The following CYRIB variants were observed in gnomAD, a reference collection of about 807,000 sequenced individuals.
CYRIB encodes CYFIP related Rac1 interactor B, also known as CYFIP-related Rac1 interactor B.
A neutral mutation model predicts 44.2 loss-of-function variants in CYRIB; 8 were observed. That is an observed-to-expected ratio of 0.18 (90% CI 0.11 to 0.33). CYRIB has a LOEUF of 0.33. Ranked by LOEUF, CYRIB falls within the 10% of genes least tolerant of loss-of-function variation. CYRIB has a pLI of 1.00. For synonymous variants in CYRIB, 131 were observed against 127.2 expected, an observed-to-expected ratio of 1.03 and a Z score of -0.20; for missense variants, 185 against 382.8, an observed-to-expected ratio of 0.48 and a Z score of 4.31.
intron 1 of CYRIB, among the ~76,000 whole-genome samples, chr8:129,999,329 G>A (rs2096855184): frequency 1.3e-5 from 2 of 152,310 alleles, no homozygotes; most frequent in South Asian, 2.1e-4. Flanking sequence ...CACCAGGCCC[G>A]TCTCGGGATC....
At chr8:129,872,432 T>C (rs777490654) in intron 3 of CYRIB, among the ~76,000 whole-genome samples, 3 of 152,162 alleles carry the variant, frequency 2.0e-5, no homozygotes, top group Non-Finnish European at 4.4e-5. Flanking sequence ...GATTTCTCTC[T>C]GCTTGACTCA....
chr8:129,926,581 A>G (rs1187701036), intron 1 of CYRIB, among the ~76,000 whole-genome samples: 3 of 137,280 alleles, frequency 2.2e-5, no homozygotes, highest in African/African-American at 8.1e-5. Flanking sequence ...TGCAGGTGTC[A>G]GAGGAGTTCC....
intron 5 of CYRIB, among the ~76,000 whole-genome samples, chr8:129,857,304 G>A (rs2046713157): frequency 6.6e-6 from 1 of 152,140 alleles, no homozygotes; most frequent in African/African-American, 2.4e-5. Flanking sequence ...CTCACCTAAT[G>A]GAAGGCCCAG....
chr8:129,927,801 T>C (rs990090955), intron 1 of CYRIB, among the ~76,000 whole-genome samples: 8 of 152,168 alleles, frequency 5.3e-5, no homozygotes, highest in African/African-American at 1.7e-4. Flanking sequence ...ACTAGCAGAA[T>C]GATAGATCAA....
At chr8:129,993,409 A>G (rs2096686744) in intron 1 of CYRIB, among the ~76,000 whole-genome samples, 1 of 144,410 alleles carries the variant, frequency 6.9e-6, no homozygotes, top group South Asian at 2.2e-4. Flanking sequence ...ACAAAAAAAG[A>G]ACTCTGGCTG....
chr8:130,003,389 G>A (rs566131684), intron 1 of CYRIB, among the ~76,000 whole-genome samples: 54 of 152,310 alleles, frequency 3.5e-4, no homozygotes, highest in African/African-American at 1.2e-3. Flanking sequence ...AGGGTCACTC[G>A]AAGACCTGGT....
intron 2 of CYRIB, among the ~76,000 whole-genome samples, chr8:129,881,525 T>A (rs1368303182): frequency 6.6e-6 from 1 of 152,246 alleles, no homozygotes; most frequent in Admixed American, 6.5e-5. Flanking sequence ...CATCAGCATA[T>A]GTTTCTAACT....
At chr8:130,011,743 G>C (rs993161156) in intron 1 of CYRIB, among the ~76,000 whole-genome samples, 3 of 152,042 alleles carry the variant, frequency 2.0e-5, no homozygotes, top group Non-Finnish European at 4.4e-5. Context: ...TGAGGCAGAA[G>C]AATGGCATGA....
At chr8:129,909,283 A>G (rs2076895637) in intron 1 of CYRIB, among the ~76,000 whole-genome samples, 3 of 152,182 alleles carry the variant, frequency 2.0e-5, no homozygotes. Context: ...TTACAATCTT[A>G]ATTTTCCCCT....
chr8:129,925,650 G>A (rs1009641188), intron 1 of CYRIB, among the ~76,000 whole-genome samples: 1 of 151,808 alleles, frequency 6.6e-6, no homozygotes, highest in Non-Finnish European at 1.5e-5. Flanking sequence ...GGGAGCACTG[G>A]CAGTCCATCT....
At chr8:129,865,651 G>T (rs2053114597) in intron 4 of CYRIB, among the ~76,000 whole-genome samples, 1 of 152,160 alleles carries the variant, frequency 6.6e-6, no homozygotes, top group Admixed American at 6.5e-5. Context: ...AAACAAAACT[G>T]CCTCAGTCTC....
chr8:129,952,749 G>C (rs190047818), intron 2 of CYRIB, among the ~76,000 whole-genome samples: 1 of 152,106 alleles, frequency 6.6e-6, no homozygotes, highest in African/African-American at 2.4e-5. Flanking sequence ...ATGGCTGGTA[G>C]TTACTCTATT....
chr8:130,013,657 G>A (rs1170421126), intron 1 of CYRIB, among the ~76,000 whole-genome samples: 3 of 152,156 alleles, frequency 2.0e-5, no homozygotes, highest in African/African-American at 2.4e-5. Context: ...TGCTGAGCAC[G>A]GGTGAGGCCA....
chr8:129,845,913 G>A (rs1182686371), intron 11 of CYRIB, among the ~76,000 whole-genome samples: 1 of 152,210 alleles, frequency 6.6e-6, no homozygotes, highest in Non-Finnish European at 1.5e-5. Context: ...GGAGGCCAAG[G>A]TGGGTGGATC....
intron 2 of CYRIB, among the ~76,000 whole-genome samples, chr8:129,900,717 C>T (rs1157485910): frequency 6.6e-6 from 1 of 152,194 alleles, no homozygotes; most frequent in East Asian, 1.9e-4. Context: ...TCCTGCTCTA[C>T]TGCCTAGGCT....
intron 2 of CYRIB, 119 bp downstream of exon 2, chr8:129,970,824 A>G (rs1305027721): frequency 6.6e-6 from 1 of 152,220 alleles, no homozygotes; most frequent in Non-Finnish European, 1.5e-5. Flanking sequence ...TTTCTATGCA[A>G]CTGAAATCCA....
chr8:129,997,363 G>T (rs2096798944), intron 1 of CYRIB, among the ~76,000 whole-genome samples: 1 of 152,124 alleles, frequency 6.6e-6, no homozygotes. Context: ...GCCATTGCTG[G>T]CTTCCTAATT....
chr8:129,856,752 C>T (rs908887943), intron 5 of CYRIB, among the ~76,000 whole-genome samples: 7 of 152,352 alleles, frequency 4.6e-5, no homozygotes, highest in Admixed American at 2.6e-4. Context: ...TTACCATCAA[C>T]TATGACATGG....
chr8:129,988,507 GT>G (rs2096542296), intron 1 of CYRIB, among the ~76,000 whole-genome samples: 1 of 152,198 alleles, frequency 6.6e-6, no homozygotes, highest in South Asian at 2.1e-4. Context: ...GTTTCCGAAT[GT>G]TTAGGAGTCT....
Sources: gnomAD v4.1 joint callset for allele counts (sites outside exome capture counted in the v4.1 genomes callset) on GRCh38, gnomAD v4.1.1 for gene constraint, MANE v1.5 for transcripts, NCBI Gene and HGNC (gene_info 2026-07-23, HGNC 2026-07-21) for gene names.